ITGAM: variants seen among roughly 807,000 people sequenced by gnomAD.
The protein encoded by ITGAM is integrin subunit alpha M, also known as integrin alpha-M.
In ITGAM, 79 loss-of-function variants were observed where a neutral mutation model predicts 137.5. That is an observed-to-expected ratio of 0.57 (90% confidence interval 0.48 to 0.69). ITGAM has a LOEUF of 0.69. Ranked by LOEUF, ITGAM falls within the 30% of genes least tolerant of loss-of-function variation. The pLI is 0.00. For synonymous variants in ITGAM, 583 were observed against 592.3 expected, an observed-to-expected ratio of 0.98 and a Z score of 0.23; for missense variants, 1,343 against 1,483.5, an observed-to-expected ratio of 0.91 and a Z score of 1.56.
chr16:31,321,348 C>G lies in ITGAM; in HGVS notation c.1815C>G (p.Ala605=), dbSNP rs1276911510. Residue 605 remains alanine, a synonymous_variant, in exon 15 of 30, where the codon GCC becomes GCG. Coordinates refer to ENST00000544665, the MANE Select transcript of ITGAM (RefSeq NM_000632.4). ...MDGLVDLTVG[A]QGHVLLLRSQ... ...GACTGGTAGACCTGACTGTAGGAGC[C>G]CAGGGGCACGTGCTGCTGCTCAGGT... The G allele has an allele frequency of 2.5e-6, 4 of 1,613,996 alleles. No homozygotes were observed. Among genetic ancestry groups the G allele is most frequent in the Non-Finnish European group, 3.4e-6 (4 of 1,179,902 alleles).
At chr16:31,313,930 A>C (rs1280532971) in intron 14 of ITGAM, among the ~76,000 whole-genome samples, 1 of 151,880 alleles carries the variant, frequency 6.6e-6, no homozygotes, top group African/African-American at 2.4e-5. Flanking sequence ...TTTAACTGGC[A>C]TGAGATGGTA....
In ITGAM at chr16:31,321,321, T is replaced by C. The variant is rs371885848; in HGVS notation, c.1788T>C (p.Asp596=). The C allele has an allele frequency of 3.0e-5, 49 of 1,613,930 alleles. No homozygotes were observed. Among genetic ancestry groups the C allele is most frequent in the Non-Finnish European group, 2.3e-5 (27 of 1,179,916 alleles). ...GTGGGGGCCAGGACCTCACAATGGATGGACTGGTAGACCTGACTGTAGGAG... is the reference window on the plus strand; with the variant it reads ...GTGGGGGCCAGGACCTCACAATGGACGGACTGGTAGACCTGACTGTAGGAG... ...SLSGGQDLTM[D]GLVDLTVGAQ... The change falls in exon 15 of 30, where the codon GAT becomes GAC. Residue 596 remains aspartate (D), a synonymous_variant. Coordinates refer to ENST00000544665, the MANE Select transcript of ITGAM (RefSeq NM_000632.4).
intron 14 of ITGAM, among the ~76,000 whole-genome samples, chr16:31,302,917 CCTCTTT>C (rs2080223834): frequency 1.6e-5 from 2 of 126,548 alleles, no homozygotes; most frequent in South Asian, 2.6e-4. Flanking sequence ...TCTTTCCCTC[CCTCTTT>C]CTTTCTTTCT....
At chr16:31,321,886 A>G (rs561206818) in intron 16 of ITGAM, among the ~76,000 whole-genome samples, 87 of 152,334 alleles carry the variant, frequency 5.7e-4, no homozygotes, top group African/African-American at 2.0e-3. Flanking sequence ...ATGCCTGTGA[A>G]CAAACTATGT....
At chr16:31,263,100 C>T (rs1238031210) in intron 2 of ITGAM, among the ~76,000 whole-genome samples, 1 of 152,122 alleles carries the variant, frequency 6.6e-6, no homozygotes, top group African/African-American at 2.4e-5. Context: ...TGCCACCACG[C>T]CTGGCTAATT....
intron 12 of ITGAM, among the ~76,000 whole-genome samples, chr16:31,286,808 T>A (rs1481318249): frequency 6.6e-6 from 1 of 152,250 alleles, no homozygotes; most frequent in Non-Finnish European, 1.5e-5. Context: ...TTCTGTTTAC[T>A]CTGTTGATAG....
At chr16:31,267,320 C>G (rs1407071949) in intron 5 of ITGAM, among the ~76,000 whole-genome samples, 1 of 152,034 alleles carries the variant, frequency 6.6e-6, no homozygotes, top group Non-Finnish European at 1.5e-5. Flanking sequence ...TTTCTCAAGC[C>G]CTGTTCCTCT....
At chr16:31,331,480 T>C (rs1473676087) in intron 29 of ITGAM, 156 bp from the exon 30 acceptor site, 24 of 677,528 alleles carry the variant, frequency 3.5e-5, no homozygotes, top group Admixed American at 1.3e-4. Context: ...GTAGTTTCTG[T>C]TTTTCTCCAG....
chr16:31,313,185 G>T (rs952112400), intron 14 of ITGAM, among the ~76,000 whole-genome samples: 1 of 151,886 alleles, frequency 6.6e-6, no homozygotes, highest in African/African-American at 2.4e-5. Context: ...ACCACTGCAC[G>T]CCAGCCTGGC....
chr16:31,311,472 A>G (rs1695146107), intron 14 of ITGAM, among the ~76,000 whole-genome samples: 1 of 152,374 alleles, frequency 6.6e-6, no homozygotes, highest in African/African-American at 2.4e-5. Context: ...AAAGTGGGTG[A>G]AGGATATGAA....
In ITGAM at chr16:31,321,236, C is replaced by T; in HGVS notation, c.1708-5C>T. The T allele has an allele frequency of 6.2e-7, 1 of 1,613,642 alleles. No individual in the cohort carries two copies. Among genetic ancestry groups the T allele is most frequent in the South Asian group, 1.1e-5 (1 of 91,060 alleles). On this transcript the variant is annotated splice_region_variant and splice_polypyrimidine_tract_variant and intron_variant, in intron 14 of 29. Coordinates refer to ENST00000544665, the MANE Select transcript of ITGAM (RefSeq NM_000632.4). ...TCTCTCTCCACACCTCTTTTTTACC[C>T]TCAGCGGATAGCAGGCTCCAAGCTC...
chr16:31,314,286 A>G (rs2080367494), intron 14 of ITGAM, among the ~76,000 whole-genome samples: 1 of 152,110 alleles, frequency 6.6e-6, no homozygotes, highest in African/African-American at 2.4e-5. Context: ...TTGGTGTTTT[A>G]GTAAGGAAGA....
chr16:31,331,301 C>T, intron 29 of ITGAM, 26 bp downstream of exon 29: 1 of 1,281,840 alleles, frequency 7.8e-7, no homozygotes, highest in Non-Finnish European at 1.1e-6. Flanking sequence ...CCCCCACCCC[C>T]TCCCTTCATC....
At chr16:31,303,638 G>A (rs776118112) in intron 14 of ITGAM, among the ~76,000 whole-genome samples, 1 of 151,974 alleles carries the variant, frequency 6.6e-6, no homozygotes, top group Admixed American at 6.6e-5. Flanking sequence ...CTCAAAGTCC[G>A]TTACATCACT....
At chr16:31,314,072 G>A (rs545064508) in intron 14 of ITGAM, among the ~76,000 whole-genome samples, 28 of 151,804 alleles carry the variant, frequency 1.8e-4, no homozygotes, top group African/African-American at 6.3e-4. Flanking sequence ...TTTTTGATGG[G>A]GTTGTTTGTT....
intron 8 of ITGAM, among the ~76,000 whole-genome samples, chr16:31,274,459 G>A (rs894460572): frequency 3.3e-5 from 5 of 152,154 alleles, no homozygotes; most frequent in South Asian, 4.1e-4. Flanking sequence ...GAGCGACTGC[G>A]AGGTGTGAGT....
chr16:31,288,774 A>G (rs1472033192), intron 12 of ITGAM, among the ~76,000 whole-genome samples: 6 of 152,192 alleles, frequency 3.9e-5, no homozygotes. Flanking sequence ...TAATTAAACT[A>G]AGGAGCTTCT....
chr16:31,326,989 C>T (rs1461292189), intron 22 of ITGAM, 54 bp downstream of exon 22: 1 of 1,353,578 alleles, frequency 7.4e-7, no homozygotes, highest in Non-Finnish European at 1.1e-6. Flanking sequence ...CGCCCCAGCC[C>T]CTGGCCCATG....
chr16:31,297,854 C>T lies in ITGAM; in HGVS notation c.1607C>T (p.Thr536Met), dbSNP rs202010329. 674 of 1,613,886 alleles carry T rather than the reference C, an allele frequency of 4.2e-4. 2 individuals are homozygous for T. Among genetic ancestry groups the T allele is most frequent in the South Asian group, 1.1e-3 (101 of 91,072 alleles). The change falls in exon 14 of 30, where the codon ACG (threonine) becomes ATG (methionine). Residue 536 changes from threonine (T) to methionine (M), a missense_variant. Thr to Met is a moderately conservative substitution (Grantham distance 81). Coordinates refer to ENST00000544665, the MANE Select transcript of ITGAM (RefSeq NM_000632.4). ...GGGGACGTAAATGGGGACAAGCTGA[C>T]GGACGTGGCCATTGGGGCCCCAGGA... ...VLGDVNGDKL[T>M]DVAIGAPGEE...
Sources: gnomAD v4.1 joint callset for allele counts (sites outside exome capture counted in the v4.1 genomes callset) on GRCh38, gnomAD v4.1.1 for gene constraint, MANE v1.5 for transcripts, NCBI Gene and HGNC (gene_info 2026-07-23, HGNC 2026-07-21) for gene names.